The following MIA2 variants were observed in gnomAD, a reference collection of about 807,000 sequenced individuals.
MIA2 encodes MIA SH3 domain ER export factor 2.
MIA2 carries 127 observed loss-of-function variants against 167.8 expected under a neutral mutation model. The observed-to-expected ratio is 0.76, with a 90% CI of 0.66 to 0.88. MIA2 has a LOEUF of 0.88. Ranked by LOEUF, MIA2 falls within the 40% of genes least tolerant of loss-of-function variation. The probability of loss-of-function intolerance (pLI) is 0.00; values close to 1 mark genes in which losing one functional copy is unlikely to be tolerated. For synonymous variants in MIA2, 552 were observed against 541.9 expected, an observed-to-expected ratio of 1.02 and a Z score of -0.26; for missense variants, 1,690 against 1,624.7, an observed-to-expected ratio of 1.04 and a Z score of -0.69.
intron 23 of MIA2, among the ~76,000 whole-genome samples, chr14:39,375,942 G>A (rs1034188504): frequency 6.6e-6 from 1 of 152,010 alleles, no homozygotes; most frequent in African/African-American, 2.4e-5. Flanking sequence ...AAAGCAAACA[G>A]TGAAAAATTG....
chr14:39,281,180 T>C (rs763545248), intron 9 of MIA2, among the ~76,000 whole-genome samples: 17 of 152,098 alleles, frequency 1.1e-4, no homozygotes, highest in Non-Finnish European at 1.9e-4. Flanking sequence ...CCGTCTTGGC[T>C]TCCCAAAGTG....
chr14:39,304,432 C>G (rs758558669), intron 17 of MIA2, 51 bp downstream of exon 17: 1 of 1,007,030 alleles, frequency 9.9e-7, no homozygotes, highest in Middle Eastern at 2.1e-4. Flanking sequence ...AAGTACATCT[C>G]TTGGCAGAGA....
At chr14:39,303,770 ATTTAAAATGT>A (rs1274751023) in intron 16 of MIA2, among the ~76,000 whole-genome samples, 2 of 152,108 alleles carry the variant, frequency 1.3e-5, no homozygotes, top group Admixed American at 1.3e-4. Context: ...ATAAGACTAT[ATTTAAAATGT>A]TTCCTGTATT....
At chr14:39,296,726 CTGCACCCACTAA>C (rs2061479823) in intron 13 of MIA2, among the ~76,000 whole-genome samples, 1 of 150,432 alleles carries the variant, frequency 6.6e-6, no homozygotes, top group Non-Finnish European at 1.5e-5. Flanking sequence ...TGCTGGTGCG[CTGCACCCACTAA>C]TGTGTCATCT....
chr14:39,276,911 A>G (rs372943436), intron 6 of MIA2, 23 bp from the exon 7 acceptor site: 2 of 1,604,718 alleles, frequency 1.2e-6, no homozygotes, highest in Non-Finnish European at 1.7e-6. Context: ...ATTTTTAAGA[A>G]CTTACTTTTC....
chr14:39,244,558 A>G (rs56399794), intron 3 of MIA2, among the ~76,000 whole-genome samples: 1,592 of 152,262 alleles, frequency 0.01, 27 homozygotes, highest in African/African-American at 0.036. Flanking sequence ...TAAAATTGCA[A>G]TTCTGAAGCT....
downstream of MIA2, among the ~76,000 whole-genome samples, chr14:39,356,288 G>A (rs998034221): frequency 2.0e-5 from 3 of 152,156 alleles, no homozygotes; most frequent in Non-Finnish European, 4.4e-5. Flanking sequence ...TTGGGAGGCT[G>A]TATGTATTGA....
intron 25 of MIA2, among the ~76,000 whole-genome samples, chr14:39,336,594 T>G (rs2070468989): frequency 6.6e-6 from 1 of 152,226 alleles, no homozygotes; most frequent in Non-Finnish European, 1.5e-5. Flanking sequence ...CAGTCTACAA[T>G]GTATCTGTTC....
At chr14:39,263,316 A>G (rs1299991784) in intron 6 of MIA2, among the ~76,000 whole-genome samples, 1 of 150,686 alleles carries the variant, frequency 6.6e-6, no homozygotes. Context: ...GATGGATTAC[A>G]TTTATTGATT....
intron 3 of MIA2, among the ~76,000 whole-genome samples, chr14:39,245,037 C>T (rs1036136233): frequency 3.4e-5 from 5 of 149,012 alleles, no homozygotes; most frequent in Non-Finnish European, 7.4e-5. Flanking sequence ...CTCAGCCTCC[C>T]CAAGCACTGG....
intron 13 of MIA2, among the ~76,000 whole-genome samples, chr14:39,299,068 TAAAAAAAAAAAAAAAAA>T (rs3065043): frequency 1.1e-4 from 5 of 44,004 alleles, no homozygotes; most frequent in South Asian, 1.4e-3. Context: ...TCCCTGCCTC[TAAAAAAAAAAAAAAAAA>T]AAAAAAAAAA....
intron 3 of MIA2, among the ~76,000 whole-genome samples, chr14:39,245,569 T>C (rs2054263152): frequency 6.6e-6 from 1 of 152,262 alleles, no homozygotes; most frequent in South Asian, 2.1e-4. Flanking sequence ...TTAGTCAATG[T>C]TGTGCTGCTA....
intron 25 of MIA2, among the ~76,000 whole-genome samples, chr14:39,336,786 A>G (rs1364162986): frequency 6.6e-6 from 1 of 152,176 alleles, no homozygotes; most frequent in Non-Finnish European, 1.5e-5. Flanking sequence ...TCACTTTGTC[A>G]CCCAGCTAGA....
chr14:39,370,629 C>T (rs201424177), intron 23 of MIA2: 27 of 328,826 alleles, frequency 8.2e-5, no homozygotes, highest in Middle Eastern at 9.8e-4. Flanking sequence ...CCTTCACCAG[C>T]GCCTCTCTGC....
At chr14:39,365,912 T>A (rs1437813646) in intron 23 of MIA2, among the ~76,000 whole-genome samples, 1 of 152,236 alleles carries the variant, frequency 6.6e-6, no homozygotes, top group African/African-American at 2.4e-5. Flanking sequence ...TTGTCTCCTT[T>A]ACATTGATAT....
intron 25 of MIA2, among the ~76,000 whole-genome samples, chr14:39,344,991 C>T (rs1197029240): frequency 6.6e-6 from 1 of 152,190 alleles, no homozygotes; most frequent in Admixed American, 6.5e-5. Flanking sequence ...ATTTGTGTCT[C>T]TCCAGATGTT....
intron 6 of MIA2, among the ~76,000 whole-genome samples, chr14:39,263,015 C>T (rs544661173): frequency 1.4e-4 from 22 of 152,310 alleles, no homozygotes; most frequent in African/African-American, 4.8e-4. Context: ...ATTTCCTTCT[C>T]TTGCCTGATT....
chr14:39,240,620 A>T lies in MIA2; in HGVS notation c.309A>T (p.Ile103=). 4 of 1,612,778 alleles carry T rather than the reference A, an allele frequency of 2.5e-6. No homozygotes were observed. The highest frequency in any genetic ancestry group is 3.4e-6 in the Non-Finnish European group (4 of 1,179,104). The change falls in exon 3 of 29, where the codon ATA becomes ATT. Residue 103 remains isoleucine (I), a synonymous_variant. Transcript: ENST00000640607. The part of the protein sequence containing the change: ...RDAVQIEEVF[I]SEEIQMSTKE... ...CAGTCCAGATTGAAGAGGTGTTCATATCTGAGGAAATTCAGATGTCAACGA... is the reference window on the plus strand; with the variant it reads ...CAGTCCAGATTGAAGAGGTGTTCATTTCTGAGGAAATTCAGATGTCAACGA...
intron 25 of MIA2, among the ~76,000 whole-genome samples, chr14:39,339,126 G>A (rs2071182501): frequency 6.6e-6 from 1 of 152,130 alleles, no homozygotes; most frequent in Non-Finnish European, 1.5e-5. Flanking sequence ...CCTCACATGC[G>A]CAGTTCACAG....
Sources: allele counts gnomAD v4.1 joint callset (sites outside exome capture counted in the v4.1 genomes callset), GRCh38; gene constraint gnomAD v4.1.1; transcripts MANE v1.5; gene names NCBI Gene and HGNC (gene_info 2026-07-23, HGNC 2026-07-21).